Variants in ADCY2 observed in about 807,000 individuals in gnomAD.
ADCY2 encodes adenylate cyclase type 2.
ADCY2 carries 31 observed loss-of-function variants against 125.2 expected under a neutral mutation model. That is an observed-to-expected ratio of 0.25 (90% CI 0.19 to 0.33). ADCY2 has a LOEUF of 0.33. ADCY2 is among the 10% of genes least tolerant of loss of function. The probability of loss-of-function intolerance (pLI) is 1.00; values close to 1 mark genes in which losing one functional copy is unlikely to be tolerated. For missense variants in ADCY2, 904 were observed against 1,418.2 expected (o/e 0.64, Z 5.82); for synonymous variants, 512 against 548.4 (o/e 0.93, Z 0.93).
At position 7,642,632 on chromosome 5, in the gene ADCY2, T is replaced by C. The variant is rs1176226099; in HGVS notation, c.720+16316T>C. On this transcript the variant is annotated intron_variant, in intron 4 of 24. Transcript: ENST00000338316. ...TCCAGAATGCTGTTTCCAGATACTA[T>C]ACAAAATGAACATCACCAATGCATA... Among the ~76,000 whole-genome samples the C allele has an allele frequency of 5.3e-5, 8 of 152,062 alleles. No individual in the cohort carries two copies. In the East Asian group the frequency reaches 1.5e-3, roughly 29 times the overall value.
At chr5:7,549,558 C>A (rs1410295198) in intron 3 of ADCY2, among the ~76,000 whole-genome samples, 1 of 152,196 alleles carries the variant, frequency 6.6e-6, no homozygotes, top group Non-Finnish European at 1.5e-5. Context: ...TTTTAAGACA[C>A]TTTCACAAGC....
At chr5:7,673,912 C>A (rs1740025670) in intron 4 of ADCY2, among the ~76,000 whole-genome samples, 1 of 152,136 alleles carries the variant, frequency 6.6e-6, no homozygotes, top group Non-Finnish European at 1.5e-5. Context: ...GGGATTCCTA[C>A]CCCCCGATAA....
chr5:7,677,004 C>T (rs532443482), intron 4 of ADCY2, among the ~76,000 whole-genome samples: 29 of 152,190 alleles, frequency 1.9e-4, no homozygotes, highest in African/African-American at 5.5e-4. Context: ...CAGCCGGGTG[C>T]GGTGGCTCAC....
chr5:7,749,471 G>C (rs979531889), intron 15 of ADCY2, among the ~76,000 whole-genome samples: 1 of 152,068 alleles, frequency 6.6e-6, no homozygotes, highest in African/African-American at 2.4e-5. Context: ...AGAGATTCAA[G>C]TTCACATTTT....
rs531868533 is a variant in ADCY2 at position 7,619,111 on chromosome 5, A to G, written c.571-7056A>G. Reference sequence around the variant, plus strand: ...CATTCGACTATCTAAACTCAAAAAGACCAAAGAGATAATGACTTCTATAGG... The same window carrying G: ...CATTCGACTATCTAAACTCAAAAAGGCCAAAGAGATAATGACTTCTATAGG... On this transcript the variant is annotated intron_variant, in intron 3 of 24. Coordinates refer to ENST00000338316, the MANE Select transcript of ADCY2 (RefSeq NM_020546.3). Among the ~76,000 whole-genome samples, 190 of 152,238 alleles carry G rather than the reference A, an allele frequency of 1.2e-3. 2 individuals carry two copies. The highest frequency in any genetic ancestry group is 2.7e-3 in the Admixed American group (42 of 15,286).
intron 11 of ADCY2, among the ~76,000 whole-genome samples, chr5:7,714,933 C>T (rs1166942012): frequency 6.6e-6 from 1 of 152,196 alleles, no homozygotes; most frequent in Non-Finnish European, 1.5e-5. Context: ...GGGAAGGAGC[C>T]AGGGAGACAG....
chr5:7,722,982 A>AAAAAAAAAAAAAAG (rs1278747504), intron 12 of ADCY2, among the ~76,000 whole-genome samples: 20 of 148,662 alleles, frequency 1.3e-4, no homozygotes, highest in Non-Finnish European at 2.5e-4. Flanking sequence ...AAAAAAAAAA[A>AAAAAAAAAAAAAAG]AAAAGCATGT....
intron 14 of ADCY2, among the ~76,000 whole-genome samples, chr5:7,742,953 T>C (rs892143257): frequency 2.6e-5 from 4 of 152,210 alleles, no homozygotes; most frequent in African/African-American, 7.2e-5. Context: ...CTGAAACTTC[T>C]ATCCTTGGAT....
At chr5:7,608,502 G>A (rs1393041267) in intron 3 of ADCY2, among the ~76,000 whole-genome samples, 1 of 152,076 alleles carries the variant, frequency 6.6e-6, no homozygotes, top group East Asian at 1.9e-4. Context: ...CTTGAACCCA[G>A]GAGGAGGAGG....
intron 3 of ADCY2, among the ~76,000 whole-genome samples, chr5:7,606,829 A>C (rs1286825732): frequency 1.3e-5 from 2 of 152,198 alleles, no homozygotes. Context: ...TATAATTCCA[A>C]AAGAGTGTTT....
chr5:7,629,780 CAT>C (rs1328497436), intron 4 of ADCY2, among the ~76,000 whole-genome samples: 6 of 152,176 alleles, frequency 3.9e-5, no homozygotes, highest in Non-Finnish European at 7.3e-5. Flanking sequence ...CCTGAGAAAA[CAT>C]ATTTCAGTGA....
chr5:7,433,822 T>C (rs762094766), intron 2 of ADCY2, among the ~76,000 whole-genome samples: 15 of 152,146 alleles, frequency 9.9e-5, no homozygotes, highest in Non-Finnish European at 2.1e-4. Flanking sequence ...GAGGGAGTAC[T>C]TGATACATTT....
At chr5:7,731,838 A>C (rs1454984702) in intron 14 of ADCY2, among the ~76,000 whole-genome samples, 1 of 152,068 alleles carries the variant, frequency 6.6e-6, no homozygotes, top group Non-Finnish European at 1.5e-5. Flanking sequence ...TCTAGCCTCA[A>C]GCAATCCGCC....
chr5:7,698,133 C>T, intron 6 of ADCY2, 114 bp from the exon 7 acceptor site: 1 of 1,326,608 alleles, frequency 7.5e-7, no homozygotes, highest in African/African-American at 1.5e-5. Flanking sequence ...TCATTGCTCT[C>T]TCCAGATGCC....
intron 4 of ADCY2, among the ~76,000 whole-genome samples, chr5:7,640,306 T>C (rs1195424549): frequency 6.6e-6 from 1 of 152,190 alleles, no homozygotes; most frequent in African/African-American, 2.4e-5. Context: ...AACCAGATTC[T>C]ACCCTTTAAA....
intron 3 of ADCY2, among the ~76,000 whole-genome samples, chr5:7,534,227 C>A (rs543003033): frequency 6.6e-6 from 1 of 152,310 alleles, no homozygotes; most frequent in South Asian, 2.1e-4. Context: ...TTGGCTTCTA[C>A]TCCTGGGCAC....
chr5:7,614,839 C>T (rs1737696392), intron 3 of ADCY2, among the ~76,000 whole-genome samples: 1 of 152,222 alleles, frequency 6.6e-6, no homozygotes, highest in Non-Finnish European at 1.5e-5. Flanking sequence ...GATTCCCCAG[C>T]AGTAACACCT....
intron 4 of ADCY2, among the ~76,000 whole-genome samples, chr5:7,677,992 C>A (rs1477931239): frequency 1.3e-5 from 2 of 152,126 alleles, no homozygotes; most frequent in East Asian, 3.8e-4. Context: ...TACTCTTAAG[C>A]ATCTGTTTAC....
At chr5:7,758,545 A>G (rs1164049803) in intron 16 of ADCY2, among the ~76,000 whole-genome samples, 1 of 152,242 alleles carries the variant, frequency 6.6e-6, no homozygotes, top group Admixed American at 6.5e-5. Flanking sequence ...GAAAGCATTC[A>G]TGCAGCAAAA....
Sources: gnomAD v4.1 joint callset for allele counts (sites outside exome capture counted in the v4.1 genomes callset) on GRCh38, gnomAD v4.1.1 for gene constraint, MANE v1.5 for transcripts, NCBI Gene and HGNC (gene_info 2026-07-23, HGNC 2026-07-21) for gene names.